Variants in NTM observed in about 807,000 individuals in gnomAD.
NTM encodes the protein IgLON family member 2.
In NTM, 13 loss-of-function variants were observed where a neutral mutation model predicts 42.1. The ratio of observed to expected loss-of-function variants is 0.31; its 90% CI spans 0.20 to 0.49. NTM has a LOEUF of 0.49. NTM is among the 20% of genes least tolerant of loss of function. NTM has a pLI of 0.99. For synonymous variants in NTM, 187 were observed against 179.2 expected, an observed-to-expected ratio of 1.04 and a Z score of -0.35; for missense variants, 373 against 452.8, an observed-to-expected ratio of 0.82 and a Z score of 1.60.
chr11:131,774,129 G>A lies in NTM; in HGVS notation c.83-137435G>A, dbSNP rs925894224. ...AAGCTTACAGTACTTAATCATCAGC[G>A]AATTCTTCATAAATGTCAGTGGGAA... On this transcript the variant is annotated intron_variant, in intron 1 of 8. Transcript: ENST00000683400. 22 of 985,004 alleles carry A rather than the reference G, an allele frequency of 2.2e-5. No homozygotes were observed. In the African/African-American group the frequency reaches 2.3e-4, roughly 10 times the overall value. The allele number at this position is 985,004 out of a possible 1,614,324, so 61.0% of individuals were successfully genotyped here.
chr11:131,686,365 A>G (rs2073873457), intron 1 of NTM, among the ~76,000 whole-genome samples: 2 of 152,246 alleles, frequency 1.3e-5, no homozygotes, highest in African/African-American at 4.8e-5. Flanking sequence ...TGTGTTATAT[A>G]CCATAATCTC....
intron 2 of NTM, among the ~76,000 whole-genome samples, chr11:132,126,263 A>C (rs1377543635): frequency 6.6e-6 from 1 of 152,176 alleles, no homozygotes; most frequent in Non-Finnish European, 1.5e-5. Context: ...TCTCCAGCCC[A>C]GCTGTGGTGA....
intron 1 of NTM, among the ~76,000 whole-genome samples, chr11:131,382,804 C>A (rs1942850266): frequency 6.6e-6 from 1 of 152,212 alleles, no homozygotes; most frequent in South Asian, 2.1e-4. Flanking sequence ...TTTGCCAGAG[C>A]AGACTCTGCC....
At chr11:131,929,808 G>A (rs968172903) in intron 2 of NTM, among the ~76,000 whole-genome samples, 15 of 152,260 alleles carry the variant, frequency 9.9e-5, no homozygotes, top group South Asian at 6.2e-4. Context: ...ACACCAGGCC[G>A]CTCCCTGGAC....
At chr11:131,793,811 G>A (rs924593623) in intron 1 of NTM, among the ~76,000 whole-genome samples, 1 of 152,144 alleles carries the variant, frequency 6.6e-6, no homozygotes, top group Non-Finnish European at 1.5e-5. Flanking sequence ...ATGGATCTGA[G>A]CATCAGCATA....
chr11:131,693,415 G>A (rs566150566), intron 1 of NTM, among the ~76,000 whole-genome samples: 60 of 152,264 alleles, frequency 3.9e-4, no homozygotes, highest in African/African-American at 1.4e-3. Flanking sequence ...AAATCGCCAG[G>A]ATAAGTCTTG....
chr11:131,550,207 C>A (rs117381761), intron 1 of NTM, among the ~76,000 whole-genome samples: 128 of 152,340 alleles, frequency 8.4e-4, no homozygotes, highest in Non-Finnish European at 1.5e-3. Flanking sequence ...GTTAATTAAG[C>A]CTCAAAAATT....
At chr11:131,866,639 A>C (rs1306896159) in intron 1 of NTM, among the ~76,000 whole-genome samples, 5 of 152,352 alleles carry the variant, frequency 3.3e-5, no homozygotes, top group African/African-American at 1.2e-4. Flanking sequence ...AAGACTGCTG[A>C]CAAAGGAATT....
intron 1 of NTM, among the ~76,000 whole-genome samples, chr11:131,680,013 G>A (rs2072158764): frequency 6.6e-6 from 1 of 152,198 alleles, no homozygotes; most frequent in Non-Finnish European, 1.5e-5. Flanking sequence ...ATATTTTATA[G>A]CAATATTCAG....
In NTM at chr11:131,931,462, T is replaced by G. The variant is rs534589781; in HGVS notation, c.167+19814T>G. Among the ~76,000 whole-genome samples the G allele has an allele frequency of 6.6e-4, 83 of 125,936 alleles. No individual in the cohort carries two copies. The South Asian group carries it at 0.024, about 37-fold the overall frequency. 82.6% of individuals were successfully genotyped at this position (125,936 alleles called of 152,430 possible). Reference sequence around the variant, plus strand: ...TCAAAAAAAAAAATAATAATAATAATATATACGTGTGTGTGTGTGTGTGTG... The same window carrying G: ...TCAAAAAAAAAAATAATAATAATAAGATATACGTGTGTGTGTGTGTGTGTG... On this transcript the variant is annotated intron_variant, in intron 2 of 8. Coordinates refer to ENST00000683400, the MANE Select transcript of NTM (RefSeq NM_001352005.2).
intron 1 of NTM, among the ~76,000 whole-genome samples, chr11:131,439,286 C>G (rs868727882): frequency 2.0e-5 from 3 of 152,202 alleles, no homozygotes; most frequent in Admixed American, 6.5e-5. Flanking sequence ...GGGAGGCAGT[C>G]TGTCCGTTCT....
At chr11:131,607,395 G>A (rs925124860) in intron 1 of NTM, among the ~76,000 whole-genome samples, 1 of 152,178 alleles carries the variant, frequency 6.6e-6, no homozygotes, top group African/African-American at 2.4e-5. Context: ...TCTTGCTTCA[G>A]TAGGTTATCC....
At chr11:131,700,223 A>T (rs1044641359) in intron 1 of NTM, among the ~76,000 whole-genome samples, 1 of 152,154 alleles carries the variant, frequency 6.6e-6, no homozygotes, top group African/African-American at 2.4e-5. Flanking sequence ...TTGGCCAGAG[A>T]TTCAATGCCT....
intron 1 of NTM, among the ~76,000 whole-genome samples, chr11:131,408,912 C>G (rs981331567): frequency 3.9e-5 from 6 of 152,206 alleles, no homozygotes; most frequent in African/African-American, 7.2e-5. Context: ...ATCATATCAT[C>G]CCAAAGCAGG....
intron 1 of NTM, among the ~76,000 whole-genome samples, chr11:131,497,200 T>C (rs1452151149): frequency 6.6e-6 from 1 of 152,178 alleles, no homozygotes; most frequent in East Asian, 1.9e-4. Context: ...TATTTATTTA[T>C]TTTTTCAAGA....
At position 131,547,374 on chromosome 11, in the gene NTM, G is replaced by A. The variant is rs59381385; in HGVS notation, c.82+176486G>A. Among the ~76,000 whole-genome samples, 896 of 152,280 alleles carry A rather than the reference G, an allele frequency of 5.9e-3. 6 individuals are homozygous for A. Among genetic ancestry groups the A allele is most frequent in the African/African-American group, 0.021 (853 of 41,534 alleles). On this transcript the variant is annotated intron_variant, in intron 1 of 8. Transcript: ENST00000683400. Reference sequence around the variant, plus strand: ...GTTAATGAGCCAATCCCAGGAGAGCGCCTTGGACAGAGAGAGAATGCTGGC... The same window carrying A: ...GTTAATGAGCCAATCCCAGGAGAGCACCTTGGACAGAGAGAGAATGCTGGC...
chr11:132,315,413 C>T (rs2095402583), intron 7 of NTM, among the ~76,000 whole-genome samples: 1 of 152,180 alleles, frequency 6.6e-6, no homozygotes, highest in Admixed American at 6.5e-5. Context: ...CTCATGATGG[C>T]TCCATCCCTT....
intron 2 of NTM, among the ~76,000 whole-genome samples, chr11:131,918,357 C>T (rs1383953082): frequency 1.3e-5 from 2 of 152,160 alleles, no homozygotes; most frequent in African/African-American, 2.4e-5. Context: ...TAGTCCGTAC[C>T]ACACCTTGCG....
At chr11:132,221,305 A>G (rs1282050659) in intron 4 of NTM, among the ~76,000 whole-genome samples, 1 of 152,178 alleles carries the variant, frequency 6.6e-6, no homozygotes, top group Non-Finnish European at 1.5e-5. Context: ...ATGCATAGTA[A>G]TATCTATTCT....
Sources: gnomAD v4.1 joint callset for allele counts (sites outside exome capture counted in the v4.1 genomes callset) on GRCh38, gnomAD v4.1.1 for gene constraint, MANE v1.5 for transcripts, NCBI Gene and HGNC (gene_info 2026-07-23, HGNC 2026-07-21) for gene names.